The following SYNPR variants were observed in gnomAD, a reference collection of about 807,000 sequenced individuals.
The protein encoded by SYNPR is synaptoporin.
In SYNPR, 23 loss-of-function variants were observed where a neutral mutation model predicts 32.9. That is an observed-to-expected ratio of 0.70 (90% CI 0.50 to 0.99). The LOEUF is 0.99. SYNPR is among the 50% of genes least tolerant of loss of function. The pLI is 0.00. For missense variants in SYNPR, 318 were observed against 349.3 expected, an observed-to-expected ratio of 0.91 and a Z score of 0.71; for synonymous variants, 146 against 135.9, an observed-to-expected ratio of 1.07 and a Z score of -0.52.
chr3:63,398,430 T>C (rs2088245095), intron 2 of SYNPR, among the ~76,000 whole-genome samples: 2 of 152,070 alleles, frequency 1.3e-5, no homozygotes, highest in African/African-American at 4.8e-5. Context: ...CACTTAACAG[T>C]GTACTTTTGG....
At chr3:63,251,324 C>CAAA (rs113713917) in intron 1 of SYNPR, among the ~76,000 whole-genome samples, 1 of 148,740 alleles carries the variant, frequency 6.7e-6, no homozygotes, top group African/African-American at 2.5e-5. Flanking sequence ...ATCCTGGTAT[C>CAAA]AAAAAAAAAA....
chr3:63,611,085 C>T (rs1237367009), intron 5 of SYNPR, among the ~76,000 whole-genome samples: 3 of 152,150 alleles, frequency 2.0e-5, no homozygotes, highest in Non-Finnish European at 4.4e-5. Context: ...TTTTGCAGTC[C>T]ACTTCTGGTA....
chr3:63,220,549 A>G, the SYNPR span, among the ~76,000 whole-genome samples: 1 of 149,580 alleles, frequency 6.7e-6, no homozygotes, highest in Non-Finnish European at 1.5e-5. Context: ...TAGCAGAAAG[A>G]AGGAGAGAAG....
At chr3:63,262,805 C>G (rs370090177) in intron 2 of SYNPR, among the ~76,000 whole-genome samples, 2 of 152,128 alleles carry the variant, frequency 1.3e-5, no homozygotes, top group East Asian at 3.9e-4. Context: ...TATGGATTGC[C>G]TAGCTGAGTT....
chr3:63,366,646 A>G (rs992434432), intron 2 of SYNPR, among the ~76,000 whole-genome samples: 1 of 152,180 alleles, frequency 6.6e-6, no homozygotes, highest in African/African-American at 2.4e-5. Context: ...GGAGATGGCT[A>G]CACTTGTGAG....
rs1699789047 is a variant in SYNPR, at chr3:63,421,035, C to A, written c.85-59797C>A. Reference sequence around the variant, plus strand: ...AGCTGTAACTACAGGCACATACCACCATGCCCAGCTAATTTTTAAATTTTC... The same window carrying A: ...AGCTGTAACTACAGGCACATACCACAATGCCCAGCTAATTTTTAAATTTTC... On this transcript the variant is annotated intron_variant, in intron 2 of 5. Coordinates refer to ENST00000478300, the MANE Select transcript of SYNPR (RefSeq NM_001130003.2). Among the ~76,000 whole-genome samples, 3 of 152,090 alleles carry A rather than the reference C, an allele frequency of 2.0e-5. No homozygotes were observed. The South Asian group carries it at 6.2e-4, about 32-fold the overall frequency.
chr3:63,203,068 G>GTGTGTGTATATATATATATATATATA, the SYNPR span: 16 of 108,544 alleles, frequency 1.5e-4, no homozygotes, highest in Admixed American at 6.1e-4. Context: ...ATATGTATGT[G>GTGTGTGTATATATATATATATATATA]TATATATATA....
intron 4 of SYNPR, among the ~76,000 whole-genome samples, chr3:63,582,821 T>C (rs1053023890): frequency 3.3e-5 from 5 of 152,080 alleles, no homozygotes; most frequent in African/African-American, 9.7e-5. Context: ...TTACTAAACC[T>C]CTCTGTGCCT....
At chr3:63,324,481 C>G (rs915449302) in intron 2 of SYNPR, among the ~76,000 whole-genome samples, 3 of 152,032 alleles carry the variant, frequency 2.0e-5, no homozygotes, top group African/African-American at 7.2e-5. Context: ...AATCTGGAAT[C>G]AGCATAAGAT....
chr3:63,200,817 C>A, the SYNPR span, among the ~76,000 whole-genome samples: 1 of 152,148 alleles, frequency 6.6e-6, no homozygotes, highest in African/African-American at 2.4e-5. Flanking sequence ...GCTCCCTAAG[C>A]ATTCTAAAAG....
At position 63,595,743 on chromosome 3, in the gene SYNPR, AT is replaced by A. The variant is rs1699930176; in HGVS notation, c.409-13381del. On this transcript the variant is annotated intron_variant, in intron 4 of 5. Coordinates refer to ENST00000478300, the MANE Select transcript of SYNPR (RefSeq NM_001130003.2). Reference sequence around the variant, plus strand: ...TATATATATATATATATATATATATATATATATATATATATATATATATATA... The same window carrying A: ...TATATATATATATATATATATATATAATATATATATATATATATATATATA... Among the ~76,000 whole-genome samples the A allele has an allele frequency of 2.1e-4, 10 of 47,182 alleles. 1 individual carries two copies. The highest frequency in any genetic ancestry group is 1.0e-3 in the African/African-American group (5 of 4,952). 31.0% of individuals were successfully genotyped at this position (47,182 alleles called of 152,430 possible).
At chr3:63,598,925 G>T (rs1699998597) in intron 4 of SYNPR, among the ~76,000 whole-genome samples, 1 of 152,156 alleles carries the variant, frequency 6.6e-6, no homozygotes, top group African/African-American at 2.4e-5. Context: ...TTGGATTCTT[G>T]TTTGAACCAT....
At chr3:63,577,028 T>C (rs912541920) in intron 4 of SYNPR, among the ~76,000 whole-genome samples, 2 of 151,984 alleles carry the variant, frequency 1.3e-5, no homozygotes, top group Admixed American at 6.6e-5. Context: ...AGGGGGCAAA[T>C]CTCACTGAAA....
chr3:63,317,511 G>A (rs1315630114), intron 2 of SYNPR, among the ~76,000 whole-genome samples: 1 of 151,894 alleles, frequency 6.6e-6, no homozygotes, highest in Non-Finnish European at 1.5e-5. Flanking sequence ...TTTAACTGCT[G>A]TTTCTTTAGA....
At position 63,447,150 on chromosome 3, in the gene SYNPR, G is replaced by A. The variant is rs57610015; in HGVS notation, c.85-33682G>A. Among the ~76,000 whole-genome samples the A allele has an allele frequency of 8.9e-3, 1,349 of 152,132 alleles. 19 individuals carry two copies. The highest frequency in any genetic ancestry group is 0.031 in the African/African-American group (1,291 of 41,486). On this transcript the variant is annotated intron_variant, in intron 2 of 5. Transcript: ENST00000478300. ...TATGAGAGTTCTAAATATACTAACGGCCATCAAACGAAAACTTTTACTTTA... is the reference window on the plus strand; with the variant it reads ...TATGAGAGTTCTAAATATACTAACGACCATCAAACGAAAACTTTTACTTTA...
chr3:63,477,104 C>G (rs930005507), intron 2 of SYNPR, among the ~76,000 whole-genome samples: 1 of 152,118 alleles, frequency 6.6e-6, no homozygotes, highest in African/African-American at 2.4e-5. Context: ...TCTGCTCCCC[C>G]ATGTAAGGAG....
At chr3:63,362,909 G>A (rs913964973) in intron 2 of SYNPR, among the ~76,000 whole-genome samples, 6 of 152,092 alleles carry the variant, frequency 3.9e-5, no homozygotes, top group African/African-American at 1.4e-4. Context: ...AAAATTTCAT[G>A]GAGAGCAAAA....
intron 1 of SYNPR, among the ~76,000 whole-genome samples, chr3:63,249,483 A>G (rs947005479): frequency 3.9e-5 from 6 of 152,160 alleles, no homozygotes; most frequent in Non-Finnish European, 7.4e-5. Flanking sequence ...CAAGGATGTT[A>G]ATTGGAGCTA....
At chr3:63,260,532 A>C (rs1197393564) in intron 2 of SYNPR, among the ~76,000 whole-genome samples, 1 of 152,210 alleles carries the variant, frequency 6.6e-6, no homozygotes, top group Non-Finnish European at 1.5e-5. Context: ...AGAAAGCTGA[A>C]ACTGGATCCC....
Sources: gnomAD v4.1 joint callset for allele counts (sites outside exome capture counted in the v4.1 genomes callset) on GRCh38, gnomAD v4.1.1 for gene constraint, MANE v1.5 for transcripts, NCBI Gene and HGNC (gene_info 2026-07-23, HGNC 2026-07-21) for gene names.